CCDC158: variants seen among roughly 807,000 people sequenced by gnomAD.
CCDC158 encodes coiled-coil domain-containing protein 158.
Under a neutral mutation model 138.6 loss-of-function variants are expected in CCDC158, and 116 were observed. That is an observed-to-expected ratio of 0.84 (90% CI 0.72 to 0.98). The LOEUF (loss-of-function observed/expected upper bound fraction) is 0.98, where lower values mean the gene tolerates loss of function less well. CCDC158 is among the 50% of genes least tolerant of loss of function. The pLI is 0.00. For missense variants in CCDC158, 1,265 were observed against 1,306.1 expected (o/e 0.97, Z 0.48); for synonymous variants, 436 against 442.4 (o/e 0.99, Z 0.18).
intron 24 of CCDC158, among the ~76,000 whole-genome samples, chr4:76,313,916 T>C (rs1262085615): frequency 1.3e-5 from 2 of 152,240 alleles, no homozygotes; most frequent in East Asian, 3.8e-4. Context: ...TATTTACTAG[T>C]ATTTCATTAT....
At chr4:76,383,771 C>G (rs778662367) in intron 6 of CCDC158, 33 bp from the exon 7 acceptor site, 4 of 1,461,090 alleles carry the variant, frequency 2.7e-6, no homozygotes, top group Non-Finnish European at 3.8e-6. Flanking sequence ...GATTTAGTTA[C>G]TGGTAAATAT....
At chr4:76,331,498 G>T in intron 20 of CCDC158, 95 bp from the exon 21 acceptor site, 1 of 998,618 alleles carries the variant, frequency 1.0e-6, no homozygotes, top group Non-Finnish European at 1.6e-6. Flanking sequence ...GTATTCTTAT[G>T]TAGGGTGAAA....
At chr4:76,408,192 A>ATT (rs545853801) in intron 2 of CCDC158, among the ~76,000 whole-genome samples, 4 of 148,816 alleles carry the variant, frequency 2.7e-5, no homozygotes, top group African/African-American at 9.9e-5. Flanking sequence ...ATATATATAT[A>ATT]TTTTTTTATT....
intron 7 of CCDC158, among the ~76,000 whole-genome samples, chr4:76,382,922 T>G (rs1235285115): frequency 6.6e-6 from 1 of 152,202 alleles, no homozygotes; most frequent in Non-Finnish European, 1.5e-5. Flanking sequence ...GTTTTGGAAT[T>G]CAGAATTTTT....
In CCDC158 at chr4:76,367,534, C is replaced by T. The variant is rs760972581; in HGVS notation, c.1590G>A (p.Leu530=). ...TKLRSRVDLK[L]QELQHLKNEG... ...CATTTTTCAAGTGTTGCAGCTCCTG[C>T]AATTTCAAGTCCACCCGGGAGCGGA... The change falls in exon 12 of 25, where the codon TTG becomes TTA. Residue 530 remains leucine (L), a synonymous_variant. Transcript: ENST00000682701. 6.2e-7 allele frequency: 1 copy of T among 1,614,052 alleles called. No homozygotes were observed. The highest frequency in any genetic ancestry group is 8.5e-7 in the Non-Finnish European group (1 of 1,180,046).
chr4:76,325,905 A>C lies in CCDC158; in HGVS notation c.3121T>G (p.Ser1041Ala), dbSNP rs1414283512. 2 of 1,613,674 alleles carry C rather than the reference A, an allele frequency of 1.2e-6. No individual in the cohort carries two copies. The change falls in exon 23 of 25, where the codon TCA becomes GCA. Residue 1041 changes from serine (S) to alanine (A), a missense_variant. Coordinates refer to ENST00000682701, the MANE Select transcript of CCDC158 (RefSeq NM_001394954.1). ...SSVEGSIGST[S>A]QYRSAKPIHS... Reference sequence around the variant, plus strand: ...ATAGGTTTGGCAGATCTATACTGTGATGTGGAACCTATTGAACCTTCAACT... The same window carrying C: ...ATAGGTTTGGCAGATCTATACTGTGCTGTGGAACCTATTGAACCTTCAACT...
At chr4:76,411,965 G>A (rs1199976704) in intron 2 of CCDC158, 125 bp downstream of exon 2, 2 of 152,016 alleles carry the variant, frequency 1.3e-5, no homozygotes, top group Non-Finnish European at 2.9e-5. Context: ...TCTGGCCTAG[G>A]CATCCATCAA....
At chr4:76,384,025 C>T (rs544696814) in intron 6 of CCDC158, 63 bp downstream of exon 6, 1 of 1,163,612 alleles carries the variant, frequency 8.6e-7, no homozygotes, top group Non-Finnish European at 1.2e-6. Flanking sequence ...AATTATACAT[C>T]TAATGCTATT....
chr4:76,386,164 C>A (rs554126612), intron 4 of CCDC158, among the ~76,000 whole-genome samples: 1 of 152,076 alleles, frequency 6.6e-6, no homozygotes, highest in South Asian at 2.1e-4. Flanking sequence ...AGCAAGATGG[C>A]GGAATAGAAG....
chr4:76,348,552 A>G (rs533159168), intron 18 of CCDC158, among the ~76,000 whole-genome samples: 269 of 152,254 alleles, frequency 1.8e-3, no homozygotes, highest in Middle Eastern at 6.8e-3. Context: ...ATATGAATCT[A>G]AGGGAAAACA....
intron 24 of CCDC158, among the ~76,000 whole-genome samples, chr4:76,317,379 G>C (rs1719503246): frequency 6.6e-6 from 1 of 152,036 alleles, no homozygotes; most frequent in Non-Finnish European, 1.5e-5. Context: ...AGTTCAGAAA[G>C]ACAAAGAGGG....
chr4:76,366,927 C>T (rs1308927846), intron 12 of CCDC158, among the ~76,000 whole-genome samples: 3 of 151,934 alleles, frequency 2.0e-5, no homozygotes, highest in African/African-American at 7.3e-5. Flanking sequence ...TATCAGATAT[C>T]GAAGCCAAGA....
intron 15 of CCDC158, among the ~76,000 whole-genome samples, chr4:76,354,197 T>A (rs1578950128): frequency 9.1e-6 from 1 of 109,458 alleles, no homozygotes; most frequent in Non-Finnish European, 1.7e-5. Context: ...ATAAGCGCCA[T>A]CAGGAAGGAT....
intron 8 of CCDC158, among the ~76,000 whole-genome samples, chr4:76,380,201 G>C (rs1726102561): frequency 6.7e-6 from 1 of 149,850 alleles, no homozygotes; most frequent in South Asian, 2.2e-4. Context: ...TTTGGAACTA[G>C]GTAACAGGCA....
At chr4:76,409,632 C>T (rs1428708341) in intron 2 of CCDC158, among the ~76,000 whole-genome samples, 1 of 151,884 alleles carries the variant, frequency 6.6e-6, no homozygotes, top group Non-Finnish European at 1.5e-5. Flanking sequence ...GAGATAGAGA[C>T]CATCCTGGCT....
rs1578991113 is a variant in CCDC158, at chr4:76,367,620, T to A, written c.1504A>T (p.Thr502Ser). 1.9e-6 allele frequency: 3 copies of A among 1,614,218 alleles called. No individual in the cohort carries two copies. The highest frequency in any genetic ancestry group is 2.5e-6 in the Non-Finnish European group (3 of 1,180,032). Residue 502 changes from threonine to serine, a missense_variant, in exon 12 of 25, where the codon ACA becomes TCA. By Grantham distance (58) the Thr-to-Ser change is moderately conservative. Coordinates refer to ENST00000682701, the MANE Select transcript of CCDC158 (RefSeq NM_001394954.1). Reference protein sequence around the residue: ...ESSERTISDLTTSLQEKERAI... With the variant: ...ESSERTISDLSTSLQEKERAI... ...CTCTCTTTTTCCTGGAGAGAAGTTG[T>A]CAGGTCCGATATTGTCCTCTCTGAG...
intron 2 of CCDC158, among the ~76,000 whole-genome samples, chr4:76,404,767 G>A (rs1466455200): frequency 6.6e-6 from 1 of 152,086 alleles, no homozygotes; most frequent in African/African-American, 2.4e-5. Flanking sequence ...GCTCATGCCT[G>A]TAATCCCAGC....
In CCDC158 at chr4:76,328,986, T is replaced by G. The variant is rs1295051976; in HGVS notation, c.2943-19A>C. The G allele has an allele frequency of 6.3e-7, 1 of 1,594,406 alleles. No homozygotes were observed. The highest frequency in any genetic ancestry group is 1.7e-5 in the Admixed American group (1 of 59,974). On this transcript the variant is annotated intron_variant, in intron 21 of 24. Coordinates refer to ENST00000682701, the MANE Select transcript of CCDC158 (RefSeq NM_001394954.1). ...TGGCTCTCTGGAAGCATAAGAATGG[T>G]AATGCAAGCATTCCATTTCACAAAC... is the stretch of plus-strand genomic sequence containing the variant.
intron 2 of CCDC158, among the ~76,000 whole-genome samples, chr4:76,409,297 T>C (rs1729097811): frequency 6.6e-6 from 1 of 152,032 alleles, no homozygotes. Context: ...TGATTAAAGA[T>C]TTCTAGAAAA....
Sources: gnomAD v4.1 joint callset for allele counts (sites outside exome capture counted in the v4.1 genomes callset) on GRCh38, gnomAD v4.1.1 for gene constraint, MANE v1.5 for transcripts, NCBI Gene and HGNC (gene_info 2026-07-23, HGNC 2026-07-21) for gene names.